The following TEAD1 variants were observed in gnomAD, a reference collection of about 807,000 sequenced individuals.
The protein encoded by TEAD1 is transcriptional enhancer factor TEF-1.
In TEAD1, 9 loss-of-function variants were observed where a neutral mutation model predicts 54.9. The ratio of observed to expected loss-of-function variants is 0.16; its 90% confidence interval spans 0.10 to 0.29. The LOEUF (loss-of-function observed/expected upper bound fraction) is 0.29, where lower values mean the gene tolerates loss of function less well. TEAD1 is among the 10% of genes least tolerant of loss of function. The pLI, the probability that TEAD1 is intolerant of heterozygous loss-of-function variation, is 1.00. For synonymous variants in TEAD1, 200 were observed against 187.8 expected (o/e 1.07, Z -0.53); for missense variants, 387 against 535.9 (o/e 0.72, Z 2.74).
chr11:12,718,584 T>G (rs1406670217), intron 2 of TEAD1, among the ~76,000 whole-genome samples: 3 of 150,556 alleles, frequency 2.0e-5, no homozygotes, highest in South Asian at 4.2e-4. Context: ...TACCGTTGCT[T>G]TTTTTTTTGG....
intron 3 of TEAD1, among the ~76,000 whole-genome samples, chr11:12,797,181 G>A (rs1298637066): frequency 6.6e-6 from 1 of 152,192 alleles, no homozygotes; most frequent in Admixed American, 6.5e-5. Context: ...TAGTATCCCA[G>A]ATGGTGACCT....
At chr11:12,696,836 A>AG (rs1399025063) in intron 2 of TEAD1, among the ~76,000 whole-genome samples, 1 of 151,938 alleles carries the variant, frequency 6.6e-6, no homozygotes, top group Non-Finnish European at 1.5e-5. Flanking sequence ...CAGCAGATAG[A>AG]GCTGTCCTGG....
At chr11:12,933,038 A>G (rs1181644679) in intron 12 of TEAD1, among the ~76,000 whole-genome samples, 1 of 152,196 alleles carries the variant, frequency 6.6e-6, no homozygotes, top group East Asian at 1.9e-4. Context: ...CATATAGCCT[A>G]GGTGTGTAGT....
chr11:12,882,388 C>T (rs1025452217), intron 8 of TEAD1, among the ~76,000 whole-genome samples: 19 of 152,086 alleles, frequency 1.2e-4, no homozygotes, highest in South Asian at 2.1e-4. Flanking sequence ...AAGTGGAAAA[C>T]ATGAATCTGT....
intron 2 of TEAD1, among the ~76,000 whole-genome samples, chr11:12,737,029 G>C (rs1944547891): frequency 6.6e-6 from 1 of 152,156 alleles, no homozygotes; most frequent in Admixed American, 6.5e-5. Context: ...CAGTCCAGCT[G>C]TAAGCCAGGA....
intron 3 of TEAD1, among the ~76,000 whole-genome samples, chr11:12,841,131 G>A (rs1409895848): frequency 6.6e-6 from 1 of 152,182 alleles, no homozygotes; most frequent in East Asian, 1.9e-4. Flanking sequence ...TTTATTCATA[G>A]GTGAAAGGGG....
At chr11:12,852,287 T>G (rs947165711) in intron 3 of TEAD1, among the ~76,000 whole-genome samples, 1 of 151,922 alleles carries the variant, frequency 6.6e-6, no homozygotes, top group Non-Finnish European at 1.5e-5. Flanking sequence ...CCTGTTGGTA[T>G]AGGAAGGCAA....
At chr11:12,891,264 A>G (rs1487109431) in intron 9 of TEAD1, among the ~76,000 whole-genome samples, 1 of 152,200 alleles carries the variant, frequency 6.6e-6, no homozygotes, top group Non-Finnish European at 1.5e-5. Context: ...TAATATGAAT[A>G]TGTATTCTCC....
chr11:12,740,303 C>G (rs186622045), intron 2 of TEAD1, among the ~76,000 whole-genome samples: 1 of 152,272 alleles, frequency 6.6e-6, no homozygotes, highest in African/African-American at 2.4e-5. Context: ...ATACAAAGTG[C>G]TTAGAACAGG....
chr11:12,717,689 CAG>C (rs1467166561), intron 2 of TEAD1, among the ~76,000 whole-genome samples: 1 of 152,178 alleles, frequency 6.6e-6, no homozygotes, highest in Admixed American at 6.5e-5. Context: ...GTGGTGTTAA[CAG>C]GGAGCTAGTA....
chr11:12,859,583 T>G (rs1452483588), intron 3 of TEAD1, among the ~76,000 whole-genome samples: 1 of 152,218 alleles, frequency 6.6e-6, no homozygotes, highest in Non-Finnish European at 1.5e-5. Context: ...GTAGATCCAA[T>G]GATACTACAG....
intron 3 of TEAD1, among the ~76,000 whole-genome samples, chr11:12,836,419 C>CAAAAA (rs34899154): frequency 7.5e-6 from 1 of 132,484 alleles, no homozygotes; most frequent in South Asian, 2.5e-4. Context: ...GACTCCGTCT[C>CAAAAA]AAAAAAAAAA....
At chr11:12,767,158 T>C (rs7938936) in intron 3 of TEAD1, among the ~76,000 whole-genome samples, 127,198 of 152,018 alleles carry the variant, frequency 0.84, 53,801 homozygotes, top group African/African-American at 0.96. Context: ...GACTTGGGAG[T>C]CTCCCTGTTG....
At chr11:12,764,898 G>T (rs2133926536) in intron 3 of TEAD1, among the ~76,000 whole-genome samples, 1 of 149,630 alleles carries the variant, frequency 6.7e-6, no homozygotes, top group East Asian at 2.0e-4. Context: ...ATGCTTATAT[G>T]AAATCTACTC....
intron 2 of TEAD1, among the ~76,000 whole-genome samples, chr11:12,681,716 T>C (rs1466817600): frequency 1.3e-5 from 2 of 152,242 alleles, no homozygotes; most frequent in South Asian, 2.1e-4. Flanking sequence ...GTCTCTGATA[T>C]GTGGCAGGCA....
intron 3 of TEAD1, among the ~76,000 whole-genome samples, chr11:12,788,016 G>A (rs950154553): frequency 1.3e-5 from 2 of 149,596 alleles, no homozygotes; most frequent in African/African-American, 2.5e-5. Flanking sequence ...AGGCTGGAGT[G>A]CAATGACTCA....
chr11:12,911,492 G>T (rs1167870716), intron 10 of TEAD1, among the ~76,000 whole-genome samples: 1 of 152,186 alleles, frequency 6.6e-6, no homozygotes, highest in African/African-American at 2.4e-5. Context: ...GGGCCTTTCA[G>T]CTCAATAAGT....
chr11:12,852,831 C>G (rs975746280), intron 3 of TEAD1, among the ~76,000 whole-genome samples: 2 of 152,172 alleles, frequency 1.3e-5, no homozygotes, highest in Non-Finnish European at 2.9e-5. Flanking sequence ...GGCTTGTAGT[C>G]TGTTACACAG....
intron 2 of TEAD1, among the ~76,000 whole-genome samples, chr11:12,712,396 G>C (rs1028876047): frequency 6.6e-6 from 1 of 152,164 alleles, no homozygotes; most frequent in Non-Finnish European, 1.5e-5. Context: ...AGCTTCACCT[G>C]CTATCTGTGT....
Sources: gnomAD v4.1 joint callset for allele counts (sites outside exome capture counted in the v4.1 genomes callset) on GRCh38, gnomAD v4.1.1 for gene constraint, MANE v1.5 for transcripts, NCBI Gene and HGNC (gene_info 2026-07-23, HGNC 2026-07-21) for gene names.